Variants in GALNT13 observed in about 807,000 individuals in gnomAD.
GALNT13 encodes UDP-GalNAc:polypeptide N-acetylgalactosaminyltransferase 13.
GALNT13 carries 28 observed loss-of-function variants against 64.2 expected under a neutral mutation model. The ratio of observed to expected loss-of-function variants is 0.44; its 90% CI spans 0.32 to 0.60. The LOEUF is 0.60. Ranked by LOEUF, GALNT13 falls within the 20% of genes least tolerant of loss-of-function variation. The pLI is 0.05. For missense variants in GALNT13, 577 were observed against 669.8 expected, an observed-to-expected ratio of 0.86 and a Z score of 1.53; for synonymous variants, 214 against 224.6, an observed-to-expected ratio of 0.95 and a Z score of 0.42.
the GALNT13 span, among the ~76,000 whole-genome samples, chr2:153,135,026 T>C: frequency 4.6e-5 from 7 of 152,214 alleles, no homozygotes; most frequent in South Asian, 1.5e-3. Flanking sequence ...CAAAATACCA[T>C]AGACTGTGTG....
At chr2:153,495,791 TTGTTTTCTGTCTTGTTTGTGATGGC>T in the GALNT13 span, among the ~76,000 whole-genome samples, 1 of 152,166 alleles carries the variant, frequency 6.6e-6, no homozygotes, top group Non-Finnish European at 1.5e-5. Flanking sequence ...CATGACACTT[TTGTTTTCTGTCTTGTTTGTGATGGC>T]TGTTTTCTGT....
chr2:153,442,371 C>T, the GALNT13 span, among the ~76,000 whole-genome samples: 6 of 152,172 alleles, frequency 3.9e-5, no homozygotes, highest in Non-Finnish European at 7.3e-5. Context: ...AGGATTTTTG[C>T]ATCGATGTAC....
At chr2:154,315,953 T>C (rs1400383262) in intron 9 of GALNT13, among the ~76,000 whole-genome samples, 1 of 152,144 alleles carries the variant, frequency 6.6e-6, no homozygotes, top group Non-Finnish European at 1.5e-5. Flanking sequence ...CTGGGCGTGG[T>C]GGCACAAGCC....
the GALNT13 span, among the ~76,000 whole-genome samples, chr2:153,472,468 G>A: frequency 1.3e-5 from 2 of 152,182 alleles, no homozygotes; most frequent in Admixed American, 6.5e-5. Flanking sequence ...CAAATGGAAA[G>A]GAATCATGTC....
chr2:153,963,067 A>G (rs969177769), intron 3 of GALNT13, among the ~76,000 whole-genome samples: 1 of 152,188 alleles, frequency 6.6e-6, no homozygotes, highest in African/African-American at 2.4e-5. Flanking sequence ...GAGGCTTAGA[A>G]AGCCAAGACC....
intron 9 of GALNT13, among the ~76,000 whole-genome samples, chr2:154,315,229 C>T (rs556407976): frequency 3.9e-5 from 6 of 152,214 alleles, no homozygotes; most frequent in Admixed American, 6.5e-5. Context: ...CCTTGGTAGC[C>T]GTTCTTCCTC....
intron 3 of GALNT13, among the ~76,000 whole-genome samples, chr2:153,973,360 G>T (rs1693867567): frequency 6.6e-6 from 1 of 151,904 alleles, no homozygotes; most frequent in Non-Finnish European, 1.5e-5. Flanking sequence ...ATATCATTAA[G>T]AGTTACTGAT....
chr2:153,265,897 T>C, the GALNT13 span, among the ~76,000 whole-genome samples: 9 of 152,118 alleles, frequency 5.9e-5, no homozygotes, highest in South Asian at 2.1e-4. Flanking sequence ...TTGAGAGGAG[T>C]GACTTCAATT....
At chr2:153,728,813 C>G in the GALNT13 span, among the ~76,000 whole-genome samples, 1 of 152,148 alleles carries the variant, frequency 6.6e-6, no homozygotes, top group Non-Finnish European at 1.5e-5. Flanking sequence ...GATATCACCA[C>G]TGATCCCACA....
At chr2:153,260,131 T>C in the GALNT13 span, among the ~76,000 whole-genome samples, 1 of 152,224 alleles carries the variant, frequency 6.6e-6, no homozygotes, top group Non-Finnish European at 1.5e-5. Flanking sequence ...TTTTAACTTT[T>C]TGTCACTTCT....
chr2:153,152,212 T>G, the GALNT13 span, among the ~76,000 whole-genome samples: 3 of 152,068 alleles, frequency 2.0e-5, no homozygotes, highest in African/African-American at 7.2e-5. Context: ...TGGACCATTA[T>G]CCTCTTGATT....
At chr2:153,204,808 T>C in the GALNT13 span, among the ~76,000 whole-genome samples, 330 of 152,296 alleles carry the variant, frequency 2.2e-3, 1 homozygote, top group African/African-American at 7.7e-3. Context: ...CTATACATGC[T>C]TGTATATGGC....
chr2:154,289,935 A>G (rs1241549168), intron 8 of GALNT13, among the ~76,000 whole-genome samples: 1 of 152,166 alleles, frequency 6.6e-6, no homozygotes, highest in Non-Finnish European at 1.5e-5. Context: ...CTAGTGAGAG[A>G]GATGCTGAAT....
At chr2:153,923,598 T>A (rs1260687498) in intron 2 of GALNT13, among the ~76,000 whole-genome samples, 2 of 152,060 alleles carry the variant, frequency 1.3e-5, no homozygotes, top group African/African-American at 4.8e-5. Context: ...CATGCAGGTT[T>A]GTTACATATG....
the GALNT13 span, among the ~76,000 whole-genome samples, chr2:153,247,326 G>C: frequency 6.6e-6 from 1 of 152,158 alleles, no homozygotes; most frequent in Non-Finnish European, 1.5e-5. Context: ...CAAATCAACA[G>C]AATATACATT....
At chr2:153,694,750 A>G in the GALNT13 span, among the ~76,000 whole-genome samples, 1 of 152,204 alleles carries the variant, frequency 6.6e-6, no homozygotes, top group Non-Finnish European at 1.5e-5. Context: ...ATTTTAAATA[A>G]AAATGAAAGA....
the GALNT13 span, among the ~76,000 whole-genome samples, chr2:153,759,585 C>G: frequency 1.3e-5 from 2 of 152,034 alleles, no homozygotes; most frequent in Non-Finnish European, 2.9e-5. Context: ...GCCCTTCATT[C>G]TATTAATGAG....
chr2:154,282,187 T>C (rs1195018251), intron 8 of GALNT13, among the ~76,000 whole-genome samples: 1 of 152,128 alleles, frequency 6.6e-6, no homozygotes, highest in African/African-American at 2.4e-5. Context: ...AAAATTCTCC[T>C]AAAGGAGAAC....
At chr2:154,329,303 A>T (rs894813332) in intron 9 of GALNT13, among the ~76,000 whole-genome samples, 2 of 152,090 alleles carry the variant, frequency 1.3e-5, no homozygotes, top group South Asian at 4.1e-4. Flanking sequence ...GGGTTTCACC[A>T]TATTGGTCAG....
Sources: allele counts gnomAD v4.1 joint callset (sites outside exome capture counted in the v4.1 genomes callset), GRCh38; gene constraint gnomAD v4.1.1; transcripts MANE v1.5; gene names NCBI Gene and HGNC (gene_info 2026-07-23, HGNC 2026-07-21).